The following GEMIN5 variants were observed in gnomAD, a reference collection of about 807,000 sequenced individuals.
GEMIN5 encodes gem-associated protein 5.
GEMIN5 carries 124 observed loss-of-function variants against 176.9 expected under a neutral mutation model. The ratio of observed to expected loss-of-function variants is 0.70; its 90% CI spans 0.61 to 0.81. The LOEUF (loss-of-function observed/expected upper bound fraction) is 0.81, where lower values mean the gene tolerates loss of function less well. GEMIN5 is among the 40% of genes least tolerant of loss of function. The pLI, the probability that GEMIN5 is intolerant of heterozygous loss-of-function variation, is 0.00. For synonymous variants in GEMIN5, 673 were observed against 665.2 expected, an observed-to-expected ratio of 1.01 and a Z score of -0.18; for missense variants, 1,843 against 1,814.6, an observed-to-expected ratio of 1.02 and a Z score of -0.28.
intron 27 of GEMIN5, among the ~76,000 whole-genome samples, 174 bp from the exon 28 acceptor site, chr5:154,888,551 G>C (rs1204910925): frequency 6.6e-6 from 1 of 152,186 alleles, no homozygotes; most frequent in African/African-American, 2.4e-5. Context: ...ACTCCAAGGA[G>C]AAATGACACT....
At position 154,898,517 on chromosome 5, in the gene GEMIN5, T is replaced by C. The variant is rs1440085597; in HGVS notation, c.3268A>G (p.Arg1090Gly). 6.2e-7 allele frequency: 1 copy of C among 1,614,202 alleles called. No individual in the cohort carries two copies. Among genetic ancestry groups the C allele is most frequent in the Admixed American group, 1.7e-5 (1 of 60,030 alleles). Residue 1090 changes from arginine to glycine, a missense_variant, in exon 23 of 28, where the codon AGA becomes GGA. Transcript: ENST00000285873. ...EDELSASLAL[R>G]CAQELLLANN... ...GCCAGAAGCAGCTCTTGGGCACATC[T>C]GAGAGCCAGGGAAGCAGACAACTCA...
intron 3 of GEMIN5, among the ~76,000 whole-genome samples, chr5:154,935,423 T>C (rs1764246863): frequency 6.6e-6 from 1 of 152,188 alleles, no homozygotes; most frequent in Non-Finnish European, 1.5e-5. Context: ...TGAAACAACC[T>C]TGGTGATCAA....
chr5:154,895,654 G>A (rs1192934870), intron 24 of GEMIN5, among the ~76,000 whole-genome samples: 3 of 129,952 alleles, frequency 2.3e-5, no homozygotes, highest in Non-Finnish European at 5.0e-5. Context: ...GTGAACATCT[G>A]TTAATTCTGG....
chr5:154,912,007 C>T, intron 14 of GEMIN5, 109 bp from the exon 15 acceptor site: 1 of 926,194 alleles, frequency 1.1e-6, no homozygotes, highest in Non-Finnish European at 1.6e-6. Context: ...CAATCTGCGG[C>T]CTCTTATTTC....
At chr5:154,914,925 A>G (rs965080407) in intron 13 of GEMIN5, among the ~76,000 whole-genome samples, 3 of 152,254 alleles carry the variant, frequency 2.0e-5, no homozygotes, top group Non-Finnish European at 4.4e-5. Flanking sequence ...ATTAATAGGA[A>G]AAAGTATATG....
At chr5:154,888,499 G>T in intron 27 of GEMIN5, 122 bp from the exon 28 acceptor site, 1 of 726,012 alleles carries the variant, frequency 1.4e-6, no homozygotes, top group Non-Finnish European at 2.3e-6. Context: ...AGCTGAGCCA[G>T]CTGTCTCCTA....
intron 18 of GEMIN5, among the ~76,000 whole-genome samples, chr5:154,903,799 A>G (rs569135347): frequency 1.0e-3 from 155 of 152,038 alleles, no homozygotes; most frequent in African/African-American, 3.6e-3. Flanking sequence ...GAGGACTGGG[A>G]GGAAGATTTA....
chr5:154,917,869 C>T, intron 12 of GEMIN5, 62 bp downstream of exon 12: 1 of 1,046,510 alleles, frequency 9.6e-7, no homozygotes, highest in Non-Finnish European at 1.5e-6. Context: ...TGGCATTAGT[C>T]AGCTTGTGAT....
rs143223643 is a variant in GEMIN5 at position 154,912,963 on chromosome 5, C to A, written c.1931G>T (p.Ser644Ile). ...ATCATGATGTGGGCTCCACGCCACACTGGTAATCTTGGCCGTATGCCCTGA... is the reference window on the plus strand; with the variant it reads ...ATCATGATGTGGGCTCCACGCCACAATGGTAATCTTGGCCGTATGCCCTGA... Reference protein sequence around the residue: ...TLSGHTAKITSVAWSPHHDGR... With the variant: ...TLSGHTAKITIVAWSPHHDGR... Residue 644 changes from serine to isoleucine, a missense_variant, in exon 14 of 28, where the codon AGT (serine) becomes ATT (isoleucine). Ser to Ile is a moderately radical substitution (Grantham distance 142, BLOSUM62 -2). Coordinates refer to ENST00000285873, the MANE Select transcript of GEMIN5 (RefSeq NM_015465.5). 16 of 1,613,618 alleles carry A rather than the reference C, an allele frequency of 9.9e-6. No homozygotes were observed. Among genetic ancestry groups the A allele is most frequent in the African/African-American group, 1.3e-5 (1 of 74,954 alleles).
At chr5:154,890,288 G>C (rs947934140) in intron 26 of GEMIN5, among the ~76,000 whole-genome samples, 4 of 152,038 alleles carry the variant, frequency 2.6e-5, no homozygotes, top group Non-Finnish European at 5.9e-5. Flanking sequence ...CCTTGAATTG[G>C]ATTATCTTTT....
intron 24 of GEMIN5, among the ~76,000 whole-genome samples, chr5:154,892,922 C>T (rs1763267247): frequency 6.6e-6 from 1 of 151,990 alleles, no homozygotes; most frequent in African/African-American, 2.4e-5. Flanking sequence ...CATGGTGAAA[C>T]CCCGCCTCTA....
intron 13 of GEMIN5, among the ~76,000 whole-genome samples, chr5:154,913,494 C>T (rs1256365044): frequency 6.6e-6 from 1 of 152,080 alleles, no homozygotes; most frequent in Non-Finnish European, 1.5e-5. Flanking sequence ...AAAACGAGTG[C>T]CCTATCTTCC....
At position 154,927,963 on chromosome 5, in the gene GEMIN5, C is replaced by A. The variant is rs559695344; in HGVS notation, c.915-413G>T. On this transcript the variant is annotated intron_variant, in intron 6 of 27. Coordinates refer to ENST00000285873, the MANE Select transcript of GEMIN5 (RefSeq NM_015465.5). ...CTGTGTTTGCACCACTGCACTCCAG[C>A]CTGGGTGACAGAGCAAGACCCTGTT... Among the ~76,000 whole-genome samples the A allele has an allele frequency of 1.6e-4, 24 of 151,904 alleles. No individual in the cohort carries two copies. In the South Asian group the frequency reaches 4.8e-3, roughly 30 times the overall value.
chr5:154,908,830 C>T (rs920441691), intron 15 of GEMIN5, among the ~76,000 whole-genome samples: 1 of 152,246 alleles, frequency 6.6e-6, no homozygotes, highest in Non-Finnish European at 1.5e-5. Context: ...TTGCAAGTTA[C>T]TCCCTAAAAG....
chr5:154,916,586 C>G (rs538389181), intron 13 of GEMIN5, among the ~76,000 whole-genome samples: 3 of 152,216 alleles, frequency 2.0e-5, no homozygotes, highest in South Asian at 4.1e-4. Context: ...CTCCTAGAAT[C>G]AGATGATCCT....
At chr5:154,932,022 A>G (rs1764178835) in intron 4 of GEMIN5, 77 bp downstream of exon 4, 1 of 1,105,028 alleles carries the variant, frequency 9.0e-7, no homozygotes, top group African/African-American at 1.6e-5. Flanking sequence ...TAAATAATAA[A>G]TAAAAAATGA....
chr5:154,891,739 C>T lies in GEMIN5; in HGVS notation c.3764G>A (p.Cys1255Tyr), dbSNP rs776953945. The T allele has an allele frequency of 2.3e-5, 36 of 1,579,102 alleles. No homozygotes were observed. Among genetic ancestry groups the T allele is most frequent in the Non-Finnish European group, 2.9e-5 (34 of 1,169,308 alleles). Residue 1255 changes from cysteine (C) to tyrosine (Y), a missense_variant, in exon 26 of 28, where the codon TGT (cysteine) becomes TAT (tyrosine). Transcript: ENST00000285873. ...CCCCAACTTGTCTCTTAGGTGGTCA[C>T]AGCCTAGGAAAAGAGGAAAAAGATA... ...EVYSAFLPDG[C>Y]DHLRDKLGDH...
At chr5:154,902,385 G>C (rs1008751132) in intron 20 of GEMIN5, among the ~76,000 whole-genome samples, 154 bp downstream of exon 20, 2 of 152,110 alleles carry the variant, frequency 1.3e-5, no homozygotes, top group Admixed American at 1.3e-4. Flanking sequence ...AAGGGGTTGG[G>C]TTGGATTTAT....
intron 11 of GEMIN5, among the ~76,000 whole-genome samples, chr5:154,918,600 G>A (rs145141214): frequency 2.8e-4 from 43 of 152,226 alleles, no homozygotes; most frequent in African/African-American, 1.0e-3. Context: ...AAGAGACTTA[G>A]GAACACGAAT....
Sources: allele counts gnomAD v4.1 joint callset (sites outside exome capture counted in the v4.1 genomes callset), GRCh38; gene constraint gnomAD v4.1.1; transcripts MANE v1.5; gene names NCBI Gene and HGNC (gene_info 2026-07-23, HGNC 2026-07-21).